PIP5K1B: variants seen among roughly 807,000 people sequenced by gnomAD.
PIP5K1B encodes phosphatidylinositol-4-phosphate 5-kinase type 1 beta.
In PIP5K1B, 42 loss-of-function variants were observed where a neutral mutation model predicts 67.0. That is an observed-to-expected ratio of 0.63 (90% CI 0.49 to 0.81). PIP5K1B has a LOEUF of 0.81. Among genes scored for constraint, PIP5K1B ranks in the 30% least tolerant of loss-of-function variants. The probability of loss-of-function intolerance (pLI) is 0.00; values close to 1 mark genes in which losing one functional copy is unlikely to be tolerated. For missense variants in PIP5K1B, 459 were observed against 646.3 expected (o/e 0.71, Z 3.14); for synonymous variants, 214 against 231.4 (o/e 0.92, Z 0.68).
At chr9:68,978,564 A>G (rs1016352734) in intron 14 of PIP5K1B, among the ~76,000 whole-genome samples, 4 of 152,176 alleles carry the variant, frequency 2.6e-5, no homozygotes, top group African/African-American at 7.2e-5. Flanking sequence ...GAAGCTCCCT[A>G]AGTTGGTGTT....
At chr9:68,906,246 T>C (rs556534149) in intron 8 of PIP5K1B, among the ~76,000 whole-genome samples, 4 of 152,326 alleles carry the variant, frequency 2.6e-5, no homozygotes, top group South Asian at 2.1e-4. Context: ...CTGGAACTCC[T>C]GGGCTCAAGC....
At chr9:68,719,978 T>C (rs185999123) in intron 1 of PIP5K1B, among the ~76,000 whole-genome samples, 1 of 152,334 alleles carries the variant, frequency 6.6e-6, no homozygotes, top group East Asian at 1.9e-4. Flanking sequence ...CTTTCTGACC[T>C]TACATTTTTG....
At chr9:68,737,694 G>T (rs950774139) in intron 1 of PIP5K1B, among the ~76,000 whole-genome samples, 2 of 152,146 alleles carry the variant, frequency 1.3e-5, no homozygotes, top group Non-Finnish European at 2.9e-5. Context: ...TGCAAATGTT[G>T]TTCTATATAG....
chr9:68,970,482 TTC>T (rs1290751076), intron 14 of PIP5K1B, among the ~76,000 whole-genome samples: 1 of 152,244 alleles, frequency 6.6e-6, no homozygotes, highest in African/African-American at 2.4e-5. Flanking sequence ...GAGATAATCT[TTC>T]CCACAATATG....
intron 4 of PIP5K1B, among the ~76,000 whole-genome samples, chr9:68,826,787 TA>T (rs761365532): frequency 1.1e-4 from 16 of 152,344 alleles, no homozygotes; most frequent in Non-Finnish European, 1.8e-4. Context: ...AGTCTCACTC[TA>T]TCGCCCAGGC....
At chr9:68,756,973 G>A (rs1452615789) in intron 2 of PIP5K1B, among the ~76,000 whole-genome samples, 9 of 152,044 alleles carry the variant, frequency 5.9e-5, no homozygotes, top group African/African-American at 2.2e-4. Context: ...GCCAAATCCA[G>A]TGTATATTTT....
intron 1 of PIP5K1B, among the ~76,000 whole-genome samples, chr9:68,732,379 A>G (rs1828485592): frequency 6.6e-6 from 1 of 152,224 alleles, no homozygotes; most frequent in Non-Finnish European, 1.5e-5. Flanking sequence ...TAATAGCACT[A>G]TTCAAGAGTA....
intron 14 of PIP5K1B, 129 bp downstream of exon 14, chr9:68,940,919 G>A: frequency 1.2e-6 from 1 of 858,204 alleles, no homozygotes; most frequent in South Asian, 1.5e-5. Flanking sequence ...TCATAGGTCG[G>A]AGAGAGAACA....
chr9:68,788,808 G>T, intron 2 of PIP5K1B: 1 of 248,752 alleles, frequency 4.0e-6, no homozygotes, highest in South Asian at 5.3e-5. Flanking sequence ...GCATACAAGT[G>T]AACTACTGTC....
chr9:68,918,572 C>T (rs960792511), intron 9 of PIP5K1B, among the ~76,000 whole-genome samples: 1 of 152,164 alleles, frequency 6.6e-6, no homozygotes, highest in African/African-American at 2.4e-5. Flanking sequence ...TATTGACTAA[C>T]AGAAACAACT....
chr9:68,882,372 C>T (rs1824240718), intron 6 of PIP5K1B, among the ~76,000 whole-genome samples: 1 of 152,140 alleles, frequency 6.6e-6, no homozygotes, highest in Non-Finnish European at 1.5e-5. Context: ...CACATTGATG[C>T]TAGTCTATGA....
intron 2 of PIP5K1B, among the ~76,000 whole-genome samples, chr9:68,751,718 A>G (rs750074639): frequency 6.6e-6 from 1 of 152,230 alleles, no homozygotes; most frequent in Non-Finnish European, 1.5e-5. Context: ...AATTCCTCAA[A>G]GAGTCATGGG....
chr9:68,872,848 G>T (rs1823694670), intron 5 of PIP5K1B, among the ~76,000 whole-genome samples: 1 of 152,120 alleles, frequency 6.6e-6, no homozygotes, highest in Non-Finnish European at 1.5e-5. Flanking sequence ...ATACCACATA[G>T]AATTCCATTG....
chr9:68,769,100 A>AT, intron 2 of PIP5K1B, among the ~76,000 whole-genome samples: 1 of 152,352 alleles, frequency 6.6e-6, no homozygotes, highest in South Asian at 2.1e-4. Context: ...TCCCCGTATT[A>AT]TTTTTTAAAT....
In PIP5K1B at chr9:68,889,004, A is replaced by C; in HGVS notation, c.342A>C (p.Leu114=). Residue 114 remains leucine, a synonymous_variant, in exon 7 of 16, where the codon CTA becomes CTC. Transcript: ENST00000265382. ...DYLYSICSEP[L]IELSNPGASG... ...AGTATTCCATCTGCAGTGAACCTCT[A>C]ATAGAACTGTCTAACCCTGGAGCCA... 1 of 1,611,106 alleles carries C rather than the reference A, an allele frequency of 6.2e-7. No homozygotes were observed. Among genetic ancestry groups the C allele is most frequent in the Non-Finnish European group, 8.5e-7 (1 of 1,177,348 alleles).
At chr9:68,812,184 C>T (rs6560371) in intron 2 of PIP5K1B, among the ~76,000 whole-genome samples, 11 of 152,234 alleles carry the variant, frequency 7.2e-5, no homozygotes, top group Non-Finnish European at 1.6e-4. Context: ...TTATAGGACA[C>T]TTACAAGTGT....
intron 2 of PIP5K1B, chr9:68,788,240 G>T (rs374014206): frequency 1.2e-5 from 5 of 424,518 alleles, no homozygotes; most frequent in South Asian, 2.1e-5. Context: ...GAGACAGGCC[G>T]ATACTTTTTA....
At chr9:68,978,874 CT>C (rs1204329484) in intron 14 of PIP5K1B, among the ~76,000 whole-genome samples, 1 of 152,158 alleles carries the variant, frequency 6.6e-6, no homozygotes, top group East Asian at 1.9e-4. Flanking sequence ...ACCCGAAGGG[CT>C]TTTCTCCTTC....
intron 2 of PIP5K1B, among the ~76,000 whole-genome samples, chr9:68,806,592 C>T (rs1832883219): frequency 6.6e-6 from 1 of 152,214 alleles, no homozygotes; most frequent in Non-Finnish European, 1.5e-5. Flanking sequence ...TCTAGCCCGC[C>T]GCTAATCATC....
Sources: gnomAD v4.1 joint callset for allele counts (sites outside exome capture counted in the v4.1 genomes callset) on GRCh38, gnomAD v4.1.1 for gene constraint, MANE v1.5 for transcripts, NCBI Gene and HGNC (gene_info 2026-07-23, HGNC 2026-07-21) for gene names.